Variants in MAP4 observed in about 807,000 individuals in gnomAD.
MAP4 encodes microtubule associated protein 4.
A neutral mutation model predicts 170.2 loss-of-function variants in MAP4; 76 were observed. The ratio of observed to expected loss-of-function variants is 0.45; its 90% CI spans 0.37 to 0.54. The LOEUF is 0.54. Among genes scored for constraint, MAP4 ranks in the 20% least tolerant of loss-of-function variants. The pLI, the probability that MAP4 is intolerant of heterozygous loss-of-function variation, is 0.00. For missense variants in MAP4, 2,506 were observed against 2,748.0 expected, an observed-to-expected ratio of 0.91 and a Z score of 1.97; for synonymous variants, 909 against 994.5, an observed-to-expected ratio of 0.91 and a Z score of 1.62.
intron 18 of MAP4, among the ~76,000 whole-genome samples, chr3:47,856,076 G>A (rs2055549983): frequency 6.6e-6 from 1 of 152,196 alleles, no homozygotes; most frequent in African/African-American, 2.4e-5. Context: ...AGAGCTCACT[G>A]GCCAGAGTGT....
intron 3 of MAP4, among the ~76,000 whole-genome samples, chr3:47,950,847 G>A (rs904096371): frequency 6.6e-6 from 1 of 152,130 alleles, no homozygotes; most frequent in African/African-American, 2.4e-5. Context: ...ACAGTTTCGT[G>A]TTTCTCCCCA....
intron 4 of MAP4, among the ~76,000 whole-genome samples, chr3:47,926,795 C>G (rs1355997475): frequency 6.6e-6 from 1 of 152,186 alleles, no homozygotes; most frequent in Non-Finnish European, 1.5e-5. Flanking sequence ...CTATGCCTCA[C>G]AAAGTGCTGG....
At chr3:48,083,399 G>A (rs1161086042) in intron 1 of MAP4, among the ~76,000 whole-genome samples, 1 of 152,116 alleles carries the variant, frequency 6.6e-6, no homozygotes, top group African/African-American at 2.4e-5. Context: ...AGACAGTCTC[G>A]CTGTAGCCCA....
intron 8 of MAP4, among the ~76,000 whole-genome samples, chr3:47,913,321 A>T (rs954844380): frequency 6.6e-6 from 1 of 152,188 alleles, no homozygotes; most frequent in Admixed American, 6.5e-5. Flanking sequence ...TAATATGTAA[A>T]TAGTGGATTT....
chr3:47,916,635 G>A lies in MAP4; in HGVS notation c.1192C>T (p.Pro398Ser), dbSNP rs1382210075. The A allele has an allele frequency of 2.5e-6, 4 of 1,614,022 alleles. No individual in the cohort carries two copies. The highest frequency in any genetic ancestry group is 2.7e-5 in the African/African-American group (2 of 74,924). The change falls in exon 7 of 21, where the codon CCA becomes TCA. Residue 398 changes from proline to serine, a missense_variant. By Grantham distance (74) the Pro-to-Ser change is moderately conservative. Transcript: ENST00000683076. ...GGGACTATCTTGTTTTCTTTGGGTGGTCCCATGTCCTTGGAAGGAGCCAAG... is the reference window on the plus strand; with the variant it reads ...GGGACTATCTTGTTTTCTTTGGGTGATCCCATGTCCTTGGAAGGAGCCAAG... ...MDLAPSKDMG[P>S]PKENKIVPAK...
intron 10 of MAP4, among the ~76,000 whole-genome samples, chr3:47,902,391 T>G (rs1299295677): frequency 6.6e-6 from 1 of 151,876 alleles, no homozygotes; most frequent in East Asian, 1.9e-4. Context: ...AAAAAGCCAG[T>G]GGAGTCAGGC....
chr3:47,929,543 T>C (rs931931704), intron 3 of MAP4, among the ~76,000 whole-genome samples: 24 of 140,328 alleles, frequency 1.7e-4, no homozygotes, highest in East Asian at 2.1e-4. Flanking sequence ...ACAGAAACAA[T>C]TGGACACTGA....
rs2100034729 is a variant in MAP4, at chr3:47,909,300, C to T, written c.5121G>A (p.Glu1707=). 4.3e-6 allele frequency: 7 copies of T among 1,613,926 alleles called. No individual in the cohort carries two copies. Among genetic ancestry groups the T allele is most frequent in the Non-Finnish European group, 5.9e-6 (7 of 1,179,848 alleles). The change falls in exon 9 of 21, where the codon GAG becomes GAA. Residue 1707 remains glutamate (E), a synonymous_variant. Coordinates refer to ENST00000683076, the MANE Select transcript of MAP4 (RefSeq NM_001385682.1). ...TCATTATTACTAACGTATCCGCCAC[C>T]TCTGAAGGAGGAGCTTCGACTTTGC... ...LHSKVEAPPS[E]VADTLVIMTA... is the part of the protein sequence containing the mutation.
At chr3:48,064,710 CAT>C (rs1255777742) in intron 1 of MAP4, among the ~76,000 whole-genome samples, 1 of 152,094 alleles carries the variant, frequency 6.6e-6, no homozygotes, top group African/African-American at 2.4e-5. Context: ...GTGCAACTGT[CAT>C]AGAGTGTACT....
chr3:48,083,732 C>CT (rs909350613), intron 1 of MAP4, among the ~76,000 whole-genome samples: 46 of 143,538 alleles, frequency 3.2e-4, no homozygotes, highest in South Asian at 6.7e-4. Context: ...GTAAGATTAA[C>CT]TTTTTTTTTT....
In MAP4 at chr3:47,973,031, T is replaced by C. The variant is rs898155835; in HGVS notation, c.292+4834A>G. The C allele has an allele frequency of 8.1e-6, 8 of 985,180 alleles. No homozygotes were observed. The African/African-American group carries it at 1.4e-4, about 17-fold the overall frequency. 61.0% of individuals were successfully genotyped at this position (985,180 alleles called of 1,614,324 possible). A position where few individuals can be genotyped will look rare whatever the true frequency, so the allele number is the denominator to read the frequency against. ...TCAAGTCTTTACCCAACTTGTGTTT[T>C]AGTAACATTATATTTCAACAATTAT... On this transcript the variant is annotated intron_variant, in intron 3 of 20. Transcript: ENST00000683076.
At chr3:47,945,985 A>C (rs2100059603) in intron 3 of MAP4, among the ~76,000 whole-genome samples, 1 of 151,912 alleles carries the variant, frequency 6.6e-6, no homozygotes, top group Admixed American at 6.6e-5. Context: ...CCCAGGCTGG[A>C]GTGCAGTGGC....
At chr3:47,889,411 C>T (rs1450411462) in intron 10 of MAP4, among the ~76,000 whole-genome samples, 2 of 152,252 alleles carry the variant, frequency 1.3e-5, no homozygotes, top group African/African-American at 4.8e-5. Flanking sequence ...AATTCACAAC[C>T]CTCCCACTGC....
At chr3:47,931,313 C>T (rs1021471450) in intron 3 of MAP4, among the ~76,000 whole-genome samples, 4 of 151,936 alleles carry the variant, frequency 2.6e-5, no homozygotes, top group Admixed American at 2.0e-4. Flanking sequence ...CCTGGGAAGT[C>T]GAGGCTGCAG....
At chr3:47,970,522 T>C (rs575792689) in intron 3 of MAP4, among the ~76,000 whole-genome samples, 1 of 150,770 alleles carries the variant, frequency 6.6e-6, no homozygotes, top group Admixed American at 6.6e-5. Context: ...CCAAAAAACA[T>C]CAGAAGGCTG....
chr3:47,972,010 C>T (rs575897533), intron 3 of MAP4, among the ~76,000 whole-genome samples: 22 of 152,292 alleles, frequency 1.4e-4, no homozygotes, highest in African/African-American at 5.1e-4. Context: ...TATTTAAAAT[C>T]TGTGCTTTAA....
At chr3:47,875,560 C>T (rs1031694482) in intron 12 of MAP4, 125 bp downstream of exon 12, 3 of 895,772 alleles carry the variant, frequency 3.3e-6, no homozygotes, top group Non-Finnish European at 5.2e-6. Context: ...CCCTCTCCCC[C>T]ATTTCCCTTG....
At chr3:47,959,429 C>T (rs935133451) in intron 3 of MAP4, among the ~76,000 whole-genome samples, 2 of 151,184 alleles carry the variant, frequency 1.3e-5, no homozygotes, top group Admixed American at 6.6e-5. Context: ...CACTGCACTC[C>T]AGCCTGGGCA....
At chr3:47,950,581 T>TAA (rs539055260) in intron 3 of MAP4, among the ~76,000 whole-genome samples, 1 of 147,074 alleles carries the variant, frequency 6.8e-6, no homozygotes, top group Non-Finnish European at 1.5e-5. Flanking sequence ...AAATTATGTT[T>TAA]AAAAAAAAAA....
Sources: gnomAD v4.1 joint callset for allele counts (sites outside exome capture counted in the v4.1 genomes callset) on GRCh38, gnomAD v4.1.1 for gene constraint, MANE v1.5 for transcripts, NCBI Gene and HGNC (gene_info 2026-07-23, HGNC 2026-07-21) for gene names.